Variants in LTBP1 observed in about 807,000 individuals in gnomAD.
LTBP1 encodes the protein latent transforming growth factor beta binding protein 1, also known as latent-transforming growth factor beta-binding protein 1.
A neutral mutation model predicts 207.6 loss-of-function variants in LTBP1; 129 were observed. The ratio of observed to expected loss-of-function variants is 0.62; its 90% CI spans 0.54 to 0.72. The LOEUF (loss-of-function observed/expected upper bound fraction) is 0.72, where lower values mean the gene tolerates loss of function less well. Ranked by LOEUF, LTBP1 falls within the 30% of genes least tolerant of loss-of-function variation. The probability of loss-of-function intolerance (pLI) is 0.00; values close to 1 mark genes in which losing one functional copy is unlikely to be tolerated. For missense variants in LTBP1, 2,281 were observed against 2,217.2 expected (o/e 1.03, Z -0.58); for synonymous variants, 963 against 833.7 (o/e 1.16, Z -2.67).
chr2:33,308,623 A>C (rs985240149), intron 22 of LTBP1, among the ~76,000 whole-genome samples: 1 of 152,236 alleles, frequency 6.6e-6, no homozygotes, highest in Non-Finnish European at 1.5e-5. Flanking sequence ...ACTTTGTCAG[A>C]TAATTATATT....
intron 7 of LTBP1, among the ~76,000 whole-genome samples, chr2:33,191,596 G>GTATTATT (rs1558786881): frequency 2.6e-4 from 40 of 152,324 alleles, no homozygotes; most frequent in African/African-American, 8.2e-4. Flanking sequence ...AATAATCATA[G>GTATTATT]TGTGTAGGTG....
At chr2:33,343,045 C>G in intron 25 of LTBP1, 82 bp downstream of exon 25, 2 of 1,455,696 alleles carry the variant, frequency 1.4e-6, no homozygotes, top group Non-Finnish European at 1.9e-6. Flanking sequence ...AGCTTTTAAG[C>G]AGGTAATTTG....
rs564126024 is a variant in LTBP1, at chr2:33,072,716, A to G, written c.864-37866A>G. ...CTATGGGAGTTACGAGCCAGAAACC[A>G]TGGTTGAAAACCGGTATATTAATAT... On this transcript the variant is annotated intron_variant, in intron 3 of 33. Coordinates refer to ENST00000404816, the MANE Select transcript of LTBP1 (RefSeq NM_206943.4). 1.1e-4 allele frequency among the ~76,000 whole-genome samples: 17 copies of G among 152,320 alleles called. No homozygotes were observed. The South Asian group carries it at 2.7e-3, about 24-fold the overall frequency.
rs1028037590 is a variant in LTBP1 at position 33,188,608 on chromosome 2, T to C, written c.1458T>C (p.His486=). 4.3e-6 allele frequency: 7 copies of C among 1,613,696 alleles called. No individual in the cohort carries two copies. The East Asian group carries it at 6.7e-5, about 15-fold the overall frequency. The change falls in exon 7 of 34, where the codon CAT becomes CAC. Residue 486 remains histidine (H), a synonymous_variant. Coordinates refer to ENST00000404816, the MANE Select transcript of LTBP1 (RefSeq NM_206943.4). Reference sequence around the variant, plus strand: ...TTCCTCCTAACATAGTCAATATCCATGTGAAACATCCTCCTGAAGCTTCCG... The same window carrying C: ...TTCCTCCTAACATAGTCAATATCCACGTGAAACATCCTCCTGAAGCTTCCG... The part of the protein sequence containing the change: ...VKFPPNIVNI[H]VKHPPEASVQ...
intron 2 of LTBP1, among the ~76,000 whole-genome samples, chr2:32,957,155 C>T (rs1280936841): frequency 6.6e-6 from 1 of 152,220 alleles, no homozygotes; most frequent in African/African-American, 2.4e-5. Context: ...CTTAAAGTCA[C>T]CAGCTGTGTT....
rs868544641 is a variant in LTBP1 at position 32,947,473 on chromosome 2, G to A, written c.149G>A (p.Arg50His). 6.9e-6 allele frequency: 10 copies of A among 1,446,980 alleles called. No individual in the cohort carries two copies. Among genetic ancestry groups the A allele is most frequent in the African/African-American group, 1.5e-5 (1 of 67,526 alleles). 89.6% of individuals were successfully genotyped at this position (1,446,980 alleles called of 1,614,324 possible). Residue 50 changes from arginine to histidine, a missense_variant, in exon 1 of 34, where the codon CGT (arginine) becomes CAT (histidine). Transcript: ENST00000404816. ...AGALPLSGPPRSRTFNVALNA... is the reference protein window; with the variant it reads ...AGALPLSGPPHSRTFNVALNA... ...GCCTTGCCCCTGAGCGGGCCCCCGC[G>A]TTCGCGGACATTCAACGTCGCGCTC... is the stretch of plus-strand genomic sequence containing the variant.
intron 31 of LTBP1, among the ~76,000 whole-genome samples, chr2:33,388,896 G>A (rs908640989): frequency 5.3e-5 from 8 of 152,184 alleles, no homozygotes; most frequent in African/African-American, 1.9e-4. Flanking sequence ...AGATGGCTCC[G>A]TTTTGTCAGC....
intron 24 of LTBP1, among the ~76,000 whole-genome samples, chr2:33,324,751 G>C (rs2094404836): frequency 7.0e-6 from 1 of 143,402 alleles, no homozygotes; most frequent in Non-Finnish European, 1.5e-5. Context: ...ACCCAGGCTG[G>C]AGTGCAGTAG....
At chr2:33,094,260 T>C (rs2079266142) in intron 3 of LTBP1, among the ~76,000 whole-genome samples, 1 of 152,124 alleles carries the variant, frequency 6.6e-6, no homozygotes, top group African/African-American at 2.4e-5. Flanking sequence ...ATTTAGGGGA[T>C]TTCTGTTTCA....
intron 2 of LTBP1, among the ~76,000 whole-genome samples, chr2:33,006,505 C>T (rs1473692370): frequency 6.6e-6 from 1 of 151,332 alleles, no homozygotes; most frequent in African/African-American, 2.4e-5. Flanking sequence ...GCTTCAGCCT[C>T]CCAAGTAGCT....
chr2:33,203,464 C>T (rs1414381038), intron 7 of LTBP1, among the ~76,000 whole-genome samples: 1 of 152,068 alleles, frequency 6.6e-6, no homozygotes, highest in Non-Finnish European at 1.5e-5. Flanking sequence ...GGGTTGTGAC[C>T]CAGACGTTAC....
chr2:32,991,808 G>A (rs552899344), intron 2 of LTBP1, among the ~76,000 whole-genome samples: 1 of 152,296 alleles, frequency 6.6e-6, no homozygotes, highest in Non-Finnish European at 1.5e-5. Flanking sequence ...AGGCAACTTA[G>A]CCTGCACTTG....
At chr2:33,145,756 G>A (rs1016695690) in intron 5 of LTBP1, among the ~76,000 whole-genome samples, 1 of 152,072 alleles carries the variant, frequency 6.6e-6, no homozygotes, top group Non-Finnish European at 1.5e-5. Context: ...TAACATTAAT[G>A]CCAAAATTGT....
Position 33,283,657 on chromosome 2 carries a change from G to C in LTBP1, c.3112+3499G>C, listed in dbSNP as rs576694259. The stretch of plus-strand genomic sequence containing the variant: ...TTCACCATGTTAGCCAGGATGGTCT[G>C]GATCTCCTGACCTCGTGATCCACCC... On this transcript the variant is annotated intron_variant, in intron 19 of 33. Transcript: ENST00000404816. 3.4e-3 allele frequency among the ~76,000 whole-genome samples: 512 copies of C among 151,926 alleles called. 4 individuals carry two copies. The highest frequency in any genetic ancestry group is 0.012 in the African/African-American group (491 of 41,486).
At chr2:33,212,699 T>A (rs1166189332) in intron 7 of LTBP1, among the ~76,000 whole-genome samples, 1 of 152,154 alleles carries the variant, frequency 6.6e-6, no homozygotes, top group African/African-American at 2.4e-5. Context: ...TTTCTATGAT[T>A]TGTAGCCTTT....
chr2:33,133,403 C>A (rs1039362581), intron 4 of LTBP1, among the ~76,000 whole-genome samples: 2 of 152,198 alleles, frequency 1.3e-5, no homozygotes, highest in African/African-American at 4.8e-5. Context: ...AAGGGCACTG[C>A]TTCTTGACGG....
chr2:33,278,560 A>G (rs17012736), intron 18 of LTBP1, among the ~76,000 whole-genome samples: 1 of 152,202 alleles, frequency 6.6e-6, no homozygotes, highest in Non-Finnish European at 1.5e-5. Flanking sequence ...TTAAGGTATT[A>G]TAAGGCAGGT....
chr2:33,147,237 A>G (rs2083132206), intron 5 of LTBP1, among the ~76,000 whole-genome samples: 1 of 152,208 alleles, frequency 6.6e-6, no homozygotes, highest in African/African-American at 2.4e-5. Context: ...TTTTGAAAAC[A>G]AATAATGTAG....
chr2:33,174,577 C>G (rs1174778947), intron 5 of LTBP1, among the ~76,000 whole-genome samples: 15 of 152,024 alleles, frequency 9.9e-5, no homozygotes, highest in African/African-American at 3.6e-4. Flanking sequence ...AATGGCCATA[C>G]TGCCCAAGGT....
Sources: allele counts gnomAD v4.1 joint callset (sites outside exome capture counted in the v4.1 genomes callset), GRCh38; gene constraint gnomAD v4.1.1; transcripts MANE v1.5; gene names NCBI Gene and HGNC (gene_info 2026-07-23, HGNC 2026-07-21).